ANGPTL4: variants seen among roughly 807,000 people sequenced by gnomAD.
ANGPTL4 encodes angiopoietin-related protein 4.
Under a neutral mutation model 39.2 loss-of-function variants are expected in ANGPTL4, and 39 were observed. That is an observed-to-expected ratio of 1.00 (90% CI 0.77 to 1.30). The LOEUF is 1.30. Ranked by LOEUF, ANGPTL4 falls within the 50% of genes most tolerant of loss-of-function variation. The pLI, the probability that ANGPTL4 is intolerant of heterozygous loss-of-function variation, is 0.00. For missense variants in ANGPTL4, 545 were observed against 549.8 expected, an observed-to-expected ratio of 0.99 and a Z score of 0.09; for synonymous variants, 233 against 229.5, an observed-to-expected ratio of 1.02 and a Z score of -0.14.
intron 4 of ANGPTL4, 29 bp downstream of exon 4, chr19:8,369,361 C>G (rs776402882): frequency 6.5e-7 from 1 of 1,534,312 alleles, no homozygotes; most frequent in Non-Finnish European, 9.0e-7. Flanking sequence ...CCAGGGGCCC[C>G]TCTCCCCATA....
intron 3 of ANGPTL4, 53 bp from the exon 4 acceptor site, chr19:8,369,166 C>T (rs1568216883): frequency 2.3e-5 from 32 of 1,421,026 alleles, no homozygotes; most frequent in Non-Finnish European, 3.0e-5. Flanking sequence ...GCTCCTGAGA[C>T]CCCCCCCAGG....
rs189305571 is a variant in ANGPTL4, at chr19:8,373,988, G to T, written c.*102G>T. 5 of 1,345,068 alleles carry T rather than the reference G, an allele frequency of 3.7e-6. No homozygotes were observed. In the East Asian group the frequency reaches 6.9e-5, roughly 19 times the overall value. 83.3% of individuals were successfully genotyped at this position (1,345,068 alleles called of 1,614,324 possible). A position where few individuals can be genotyped will look rare whatever the true frequency, so the allele number is the denominator to read the frequency against. On this transcript the variant is annotated 3_prime_UTR_variant, in exon 7 of 7. Coordinates refer to ENST00000301455, the MANE Select transcript of ANGPTL4 (RefSeq NM_139314.3). The stretch of plus-strand genomic sequence containing the variant: ...GCCTGGGCAGGGGCTCCAAGGAGGG[G>T]CCATCTGGAAACTTGTGGACAGAGA...
In ANGPTL4 at chr19:8,364,508, C is replaced by G. The variant is rs776693616; in HGVS notation, c.187C>G (p.Arg63Gly). 2 of 1,564,630 alleles carry G rather than the reference C, an allele frequency of 1.3e-6. No homozygotes were observed. Among genetic ancestry groups the G allele is most frequent in the Non-Finnish European group, 1.7e-6 (2 of 1,155,852 alleles). Residue 63 changes from arginine (R) to glycine (G), a missense_variant, in exon 1 of 7, where the codon CGC becomes GGC. Coordinates refer to ENST00000301455, the MANE Select transcript of ANGPTL4 (RefSeq NM_139314.3). Reference protein sequence around the residue: ...QGLREHAERTRSQLSALERRL... With the variant: ...QGLREHAERTGSQLSALERRL... ...GCTGCGCGAACACGCGGAGCGCACC[C>G]GCAGTCAGCTGAGCGCGCTGGAGCG...
chr19:8,369,095 TGA>T, intron 3 of ANGPTL4, 122 bp from the exon 4 acceptor site: 1 of 681,896 alleles, frequency 1.5e-6, no homozygotes, highest in Non-Finnish European at 2.6e-6. Flanking sequence ...GAGGTGGTCA[TGA>T]GATAAGATTT....
intron 1 of ANGPTL4, among the ~76,000 whole-genome samples, chr19:8,365,432 C>T (rs1970983176): frequency 1.3e-5 from 2 of 151,838 alleles, no homozygotes; most frequent in Non-Finnish European, 1.5e-5. Flanking sequence ...GAGCCGGGAT[C>T]ATGCCATTGC....
At chr19:8,365,893 A>C in intron 1 of ANGPTL4, 61 bp from the exon 2 acceptor site, 1 of 1,215,392 alleles carries the variant, frequency 8.2e-7, no homozygotes, top group Non-Finnish European at 1.2e-6. Flanking sequence ...GGATGAGTGG[A>C]TGAATTAAGA....
Position 8,364,178 on chromosome 19 carries a change from C to A in ANGPTL4, c.-144C>A. 1.1e-6 allele frequency: 1 copy of A among 891,204 alleles called. No homozygotes were observed. Among genetic ancestry groups the A allele is most frequent in the Non-Finnish European group, 1.7e-6 (1 of 600,040 alleles). 55.2% of individuals were successfully genotyped at this position (891,204 alleles called of 1,614,324 possible). Reference sequence around the variant, plus strand: ...GGAGAAGCCGAGCTGAGCGGATCCTCACACGACTGTGATCCGATTCTTTCC... The same window carrying A: ...GGAGAAGCCGAGCTGAGCGGATCCTAACACGACTGTGATCCGATTCTTTCC... On this transcript the variant is annotated 5_prime_UTR_variant, in exon 1 of 7. Coordinates refer to ENST00000301455, the MANE Select transcript of ANGPTL4 (RefSeq NM_139314.3).
At chr19:8,365,679 T>G (rs946447810) in intron 1 of ANGPTL4, among the ~76,000 whole-genome samples, 1 of 151,044 alleles carries the variant, frequency 6.6e-6, no homozygotes, top group Admixed American at 6.6e-5. Context: ...AAGCCAGGCA[T>G]AGAGCTGCAT....
rs1971183643 is a variant in ANGPTL4, at chr19:8,374,019, A to G, written c.*133A>G. On this transcript the variant is annotated 3_prime_UTR_variant, in exon 7 of 7. Transcript: ENST00000301455. ...TGGAAACTTGTGGACAGAGAAGAAGACCACGACTGGAGAAGCCCCCTTTCT... is the reference window on the plus strand; with the variant it reads ...TGGAAACTTGTGGACAGAGAAGAAGGCCACGACTGGAGAAGCCCCCTTTCT... 2.0e-6 allele frequency: 2 copies of G among 986,156 alleles called. No homozygotes were observed. The highest frequency in any genetic ancestry group is 6.4e-4 in the Middle Eastern group (2 of 3,136). 61.1% of individuals were successfully genotyped at this position (986,156 alleles called of 1,614,324 possible).
At chr19:8,373,643 C>A in intron 6 of ANGPTL4, 62 bp from the exon 7 acceptor site, 5 of 1,611,606 alleles carry the variant, frequency 3.1e-6, no homozygotes, top group Non-Finnish European at 4.2e-6. Context: ...ATCCCTATCT[C>A]CTTTCAGCCC....
rs972618841 is a variant in ANGPTL4 at position 8,364,169 on chromosome 19, G to A, written c.-153G>A. On this transcript the variant is annotated 5_prime_UTR_variant, in exon 1 of 7. Coordinates refer to ENST00000301455, the MANE Select transcript of ANGPTL4 (RefSeq NM_139314.3). ...GCGCGGCGGGGAGAAGCCGAGCTGA[G>A]CGGATCCTCACACGACTGTGATCCG... is the stretch of plus-strand genomic sequence containing the variant. 60 of 823,064 alleles carry A rather than the reference G, an allele frequency of 7.3e-5. No homozygotes were observed. The African/African-American group carries it at 9.9e-4, about 14-fold the overall frequency. The allele number at this position is 823,064 out of a possible 1,614,324, so 51.0% of individuals were successfully genotyped here.
chr19:8,369,104 A>T, intron 3 of ANGPTL4, 115 bp from the exon 4 acceptor site: 1 of 746,110 alleles, frequency 1.3e-6, no homozygotes, highest in Non-Finnish European at 2.3e-6. Flanking sequence ...ATGAGATAAG[A>T]TTTGCCTTTT....
intron 6 of ANGPTL4, among the ~76,000 whole-genome samples, chr19:8,372,159 T>C (rs1332145865): frequency 1.3e-5 from 2 of 148,248 alleles, no homozygotes; most frequent in African/African-American, 5.0e-5. Flanking sequence ...TGGGTTCAAG[T>C]GATTCTCCTG....
intron 4 of ANGPTL4, among the ~76,000 whole-genome samples, chr19:8,370,528 C>T (rs779484845): frequency 6.6e-5 from 10 of 152,092 alleles, no homozygotes; most frequent in African/African-American, 9.7e-5. Flanking sequence ...GCCTGGCCAA[C>T]ATGGTGAAAC....
Position 8,365,935 on chromosome 19 carries a change from G to T in ANGPTL4, c.319-19G>T, listed in dbSNP as rs373549197. The T allele has an allele frequency of 1.7e-5, 27 of 1,609,126 alleles. 2 individuals carry two copies. In the African/African-American group the frequency reaches 3.3e-4, roughly 20 times the overall value. On this transcript the variant is annotated intron_variant, in intron 1 of 6. Transcript: ENST00000301455. ...GGTAGGCAAGCTGGGTCCTCACCAA[G>T]GTTTTCACCCCTCCCCAGACACAAC...
chr19:8,366,388 T>G (rs1971007646), intron 3 of ANGPTL4, 69 bp downstream of exon 3: 1 of 1,514,970 alleles, frequency 6.6e-7, no homozygotes. Flanking sequence ...GCTGGTCCTC[T>G]CCTTGTCAGG....
chr19:8,374,265 A>C lies in ANGPTL4; in HGVS notation c.*379A>C, dbSNP rs1208010455. ...GCTTGTGTGGGTCGAGAGCGCCCTCATGGTGCTGGTGCTGTTGTGTGTAGG... is the reference window on the plus strand; with the variant it reads ...GCTTGTGTGGGTCGAGAGCGCCCTCCTGGTGCTGGTGCTGTTGTGTGTAGG... On this transcript the variant is annotated 3_prime_UTR_variant, in exon 7 of 7. Transcript: ENST00000301455. 1 of 293,680 alleles carries C rather than the reference A, an allele frequency of 3.4e-6. No individual in the cohort carries two copies. Among genetic ancestry groups the C allele is most frequent in the Non-Finnish European group, 6.7e-6 (1 of 150,178 alleles). 18.2% of individuals were successfully genotyped at this position (293,680 alleles called of 1,614,324 possible). A position where few individuals can be genotyped will look rare whatever the true frequency, so the allele number is the denominator to read the frequency against.
At position 8,371,566 on chromosome 19, in the gene ANGPTL4, C is replaced by A; in HGVS notation, c.1039+44C>A. 6.2e-7 allele frequency: 1 copy of A among 1,610,664 alleles called. No individual in the cohort carries two copies. Among genetic ancestry groups the A allele is most frequent in the South Asian group, 1.1e-5 (1 of 91,004 alleles). On this transcript the variant is annotated intron_variant, in intron 6 of 6. Transcript: ENST00000301455. This position sits in a 1 kb window ranked among gnomAD's most constrained non-coding sequence, Gnocchi z 5.1. ...GCCACACCCAGCCAGCAGCTTCCCT[C>A]CTTATCTTTCTGCTGCTCTGTCCTG...
chr19:8,372,527 G>A (rs116576031), intron 6 of ANGPTL4, among the ~76,000 whole-genome samples: 3,447 of 147,116 alleles, frequency 0.023, 124 homozygotes, highest in African/African-American at 0.081. Context: ...AATTAGGCAC[G>A]GTGGCTCACA....
Sources: gnomAD v4.1 joint callset for allele counts (sites outside exome capture counted in the v4.1 genomes callset) on GRCh38, gnomAD v4.1.1 for gene constraint, Gnocchi (gnomAD v3.1) non-coding constraint, MANE v1.5 for transcripts, NCBI Gene and HGNC (gene_info 2026-07-23, HGNC 2026-07-21) for gene names.